The following CA10 variants were observed in gnomAD, a reference collection of about 807,000 sequenced individuals.
CA10 encodes carbonic anhydrase-related protein 10.
A neutral mutation model predicts 44.2 loss-of-function variants in CA10; 14 were observed. The observed-to-expected ratio is 0.32, with a 90% CI of 0.21 to 0.50. CA10 has a LOEUF of 0.50. Among genes scored for constraint, CA10 ranks in the 20% least tolerant of loss-of-function variants. CA10 has a pLI of 0.99. For missense variants in CA10, 350 were observed against 409.7 expected (o/e 0.85, Z 1.26); for synonymous variants, 159 against 141.6 (o/e 1.12, Z -0.87).
intron 3 of CA10, among the ~76,000 whole-genome samples, chr17:51,805,452 G>C (rs1907092281): frequency 6.6e-6 from 1 of 152,148 alleles, no homozygotes; most frequent in South Asian, 2.1e-4. Flanking sequence ...ATAAGGCAGT[G>C]GTTCTCAGCT....
intron 3 of CA10, among the ~76,000 whole-genome samples, chr17:51,920,639 G>A (rs1243452967): frequency 1.3e-5 from 2 of 152,008 alleles, no homozygotes; most frequent in Non-Finnish European, 2.9e-5. Context: ...GATGTCAAGA[G>A]GTAAACATTA....
chr17:52,007,858 A>G lies in CA10; in HGVS notation c.136+64461T>C, dbSNP rs1985654634. 2.0e-5 allele frequency among the ~76,000 whole-genome samples: 3 copies of G among 151,532 alleles called. No homozygotes were observed. The South Asian group carries it at 6.2e-4, about 31-fold the overall frequency. On this transcript the variant is annotated intron_variant, in intron 2 of 8. Coordinates refer to ENST00000451037, the MANE Select transcript of CA10 (RefSeq NM_020178.5). ...CATTTATACCTATAGTTTTCTAAGA[A>G]AGACATTTTATAATAGCTACTGGTT...
In CA10 at chr17:51,749,078, G is replaced by A. The variant is rs78824359; in HGVS notation, c.280-1260C>T. On this transcript the variant is annotated intron_variant, in intron 3 of 8. Coordinates refer to ENST00000451037, the MANE Select transcript of CA10 (RefSeq NM_020178.5). ...CAGACTCACCTTTCCCTGGTACATC[G>A]ACCAATGGCATTATATGGAAATGGC... 3.7e-4 allele frequency among the ~76,000 whole-genome samples: 56 copies of A among 152,230 alleles called. No homozygotes were observed. The East Asian group carries it at 8.1e-3, about 22-fold the overall frequency.
chr17:52,142,437 G>C (rs139455074), intron 1 of CA10, among the ~76,000 whole-genome samples: 6 of 152,226 alleles, frequency 3.9e-5, no homozygotes, highest in African/African-American at 1.4e-4. Context: ...TTATGTGCCT[G>C]ATAATACTGT....
intron 3 of CA10, among the ~76,000 whole-genome samples, chr17:51,829,601 T>G (rs375029975): frequency 1.3e-5 from 2 of 152,196 alleles, no homozygotes; most frequent in African/African-American, 4.8e-5. Flanking sequence ...GAAGGGAAAG[T>G]AGCATTTACT....
chr17:52,041,976 T>C lies in CA10; in HGVS notation c.136+30343A>G, dbSNP rs1986781590. ...TGTGTGTGTCTGTGAGAAAATCACATGTTCTTTATCCATTCATCCATCAAT... is the reference window on the plus strand; with the variant it reads ...TGTGTGTGTCTGTGAGAAAATCACACGTTCTTTATCCATTCATCCATCAAT... On this transcript the variant is annotated intron_variant, in intron 2 of 8. Coordinates refer to ENST00000451037, the MANE Select transcript of CA10 (RefSeq NM_020178.5). Among the ~76,000 whole-genome samples, 3 of 152,074 alleles carry C rather than the reference T, an allele frequency of 2.0e-5. 1 individual carries two copies. Among genetic ancestry groups the C allele is most frequent in the African/African-American group, 4.8e-5 (2 of 41,442 alleles).
intron 2 of CA10, among the ~76,000 whole-genome samples, chr17:51,966,798 G>T (rs1457363612): frequency 5.3e-5 from 8 of 151,458 alleles, no homozygotes; most frequent in Non-Finnish European, 1.2e-4. Flanking sequence ...AATAAATTCT[G>T]CCTTGGGACA....
rs1343457080 is a variant in CA10 at position 51,845,853 on chromosome 17, TA to T, written c.279+85136del. On this transcript the variant is annotated intron_variant, in intron 3 of 8. Transcript: ENST00000451037. ...TGTGAATGAGTTTTATTAGTTTTAT[TA>T]CCTTAGATATTTCAAACGTGATCTG... Among the ~76,000 whole-genome samples, 8 of 152,330 alleles carry T rather than the reference TA, an allele frequency of 5.3e-5. No individual in the cohort carries two copies. The East Asian group carries it at 1.5e-3, about 29-fold the overall frequency.
chr17:51,900,937 T>G (rs1343640562), intron 3 of CA10, among the ~76,000 whole-genome samples: 5 of 152,176 alleles, frequency 3.3e-5, no homozygotes. Flanking sequence ...TTAGATTCCT[T>G]GGATTGGGTC....
intron 2 of CA10, among the ~76,000 whole-genome samples, chr17:52,028,194 G>A (rs1412575148): frequency 2.6e-5 from 4 of 152,164 alleles, no homozygotes. Context: ...ACAAAATGCA[G>A]AGGCTGCAGA....
intron 2 of CA10, among the ~76,000 whole-genome samples, chr17:52,014,370 T>C (rs187617783): frequency 6.6e-6 from 1 of 152,082 alleles, no homozygotes; most frequent in Non-Finnish European, 1.5e-5. Context: ...GGCATTAAAA[T>C]TAATATGGAC....
intron 8 of CA10, among the ~76,000 whole-genome samples, chr17:51,632,451 G>A (rs913581934): frequency 7.9e-5 from 12 of 152,228 alleles, no homozygotes; most frequent in Non-Finnish European, 1.2e-4. Context: ...CAAGGGGGAA[G>A]TAGGAGGAAT....
chr17:52,050,194 G>A (rs1598186892), intron 2 of CA10, among the ~76,000 whole-genome samples: 1 of 151,972 alleles, frequency 6.6e-6, no homozygotes, highest in Non-Finnish European at 1.5e-5. Context: ...TCAGACAATG[G>A]CACCATCATT....
intron 1 of CA10, among the ~76,000 whole-genome samples, chr17:52,113,174 G>A (rs188303756): frequency 6.6e-6 from 1 of 152,204 alleles, no homozygotes; most frequent in Non-Finnish European, 1.5e-5. Context: ...ATTCCTAAGA[G>A]AGCTTACAAG....
chr17:51,705,325 T>G (rs906116729), intron 4 of CA10, among the ~76,000 whole-genome samples: 1 of 152,146 alleles, frequency 6.6e-6, no homozygotes, highest in Non-Finnish European at 1.5e-5. Flanking sequence ...TATATACACA[T>G]AGATCAATGT....
chr17:51,776,394 A>G (rs1299859316), intron 3 of CA10, among the ~76,000 whole-genome samples: 4 of 152,184 alleles, frequency 2.6e-5, no homozygotes, highest in Non-Finnish European at 5.9e-5. Context: ...AAATATAAAA[A>G]ATAAAATTTT....
intron 4 of CA10, among the ~76,000 whole-genome samples, chr17:51,694,551 C>G (rs1915336709): frequency 7.0e-6 from 1 of 142,876 alleles, no homozygotes; most frequent in Non-Finnish European, 1.5e-5. Context: ...TTCTGGATAT[C>G]AGAGCTTTGT....
intron 3 of CA10, among the ~76,000 whole-genome samples, chr17:51,789,518 ACT>A (rs1906427968): frequency 6.6e-6 from 1 of 151,992 alleles, no homozygotes; most frequent in Admixed American, 6.6e-5. Context: ...TGCATGCAAC[ACT>A]CTAGCACATG....
At chr17:51,801,999 G>A (rs1296118553) in intron 3 of CA10, among the ~76,000 whole-genome samples, 1 of 152,230 alleles carries the variant, frequency 6.6e-6, no homozygotes, top group African/African-American at 2.4e-5. Flanking sequence ...GATGCCTACA[G>A]TTGGGTATCA....
Sources: gnomAD v4.1 joint callset for allele counts (sites outside exome capture counted in the v4.1 genomes callset) on GRCh38, gnomAD v4.1.1 for gene constraint, MANE v1.5 for transcripts, NCBI Gene and HGNC (gene_info 2026-07-23, HGNC 2026-07-21) for gene names.